REELD1: variants seen among roughly 807,000 people sequenced by gnomAD.
REELD1 encodes the protein reelin domain-containing protein 1.
REELD1 carries 12 observed loss-of-function variants against 6.3 expected under a neutral mutation model. That is an observed-to-expected ratio of 1.89 (90% CI 1.21 to 3.07). The LOEUF (loss-of-function observed/expected upper bound fraction) is 3.07. REELD1 is among the 30% of genes most tolerant of loss of function. The pLI, the probability that REELD1 is intolerant of heterozygous loss-of-function variation, is 0.00. For synonymous variants in REELD1, 57 were observed against 33.6 expected, an observed-to-expected ratio of 1.70 and a Z score of -2.42; for missense variants, 163 against 86.8, an observed-to-expected ratio of 1.88 and a Z score of -3.49.
At chr4:146,225,759 T>C (rs1383483694) in intron 5 of REELD1, among the ~76,000 whole-genome samples, 12 of 152,208 alleles carry the variant, frequency 7.9e-5, no homozygotes, top group Non-Finnish European at 1.3e-4. Context: ...AGAAGTGTCA[T>C]GTGGAGCCTT....
intron 4 of REELD1, among the ~76,000 whole-genome samples, chr4:146,222,827 C>T (rs1277939551): frequency 1.3e-5 from 2 of 152,192 alleles, no homozygotes; most frequent in Non-Finnish European, 2.9e-5. Flanking sequence ...CCTGCCTCCC[C>T]AGGCACAGGT....
At position 146,231,110 on chromosome 4, in the gene REELD1, T is replaced by C. The variant is rs542274377; in HGVS notation, c.*597T>C. On this transcript the variant is annotated 3_prime_UTR_variant, in exon 8 of 8. Transcript: ENST00000623665. The stretch of plus-strand genomic sequence containing the variant: ...CAGCCTGGCAAATCCGCCATGGAAA[T>C]TGATCCAAAGTCAGGAAAGTTTTTG... Among the ~76,000 whole-genome samples, 135 of 152,334 alleles carry C rather than the reference T, an allele frequency of 8.9e-4. No individual in the cohort carries two copies. Among genetic ancestry groups the C allele is most frequent in the Middle Eastern group, 3.4e-3 (1 of 294 alleles).
intron 2 of REELD1, 135 bp downstream of exon 2, chr4:146,215,333 C>T (rs751640858): frequency 1.3e-5 from 2 of 152,212 alleles, no homozygotes; most frequent in Non-Finnish European, 2.9e-5. Flanking sequence ...CCTAATGTGT[C>T]TGAGAAGCTG....
Position 146,228,531 on chromosome 4 carries a change from G to T in REELD1, c.908+9G>T. 1 of 698,702 alleles carries T rather than the reference G, an allele frequency of 1.4e-6. No individual in the cohort carries two copies. Among genetic ancestry groups the T allele is most frequent in the Middle Eastern group, 2.5e-4 (1 of 4,026 alleles). 43.3% of individuals were successfully genotyped at this position (698,702 alleles called of 1,614,324 possible). On this transcript the variant is annotated intron_variant, in intron 6 of 7. Transcript: ENST00000623665. ...CTTAGCACCCATCACAGGTAAGGGT[G>T]ATGGGTGGGCCATTCAGGACAGGTG...
chr4:146,217,306 C>T (rs918767962), intron 3 of REELD1, 146 bp downstream of exon 3: 5 of 395,682 alleles, frequency 1.3e-5, no homozygotes, highest in Non-Finnish European at 1.3e-5. Flanking sequence ...TGGAGTCTCA[C>T]TGTGTTGCCC....
intron 1 of REELD1, 41 bp downstream of exon 1, chr4:146,214,735 G>A (rs1730795159): frequency 6.6e-6 from 1 of 152,242 alleles, no homozygotes; most frequent in Admixed American, 6.5e-5. Context: ...GTAGAGACAA[G>A]GTCTCCCTGT....
At chr4:146,215,752 CTTTT>C (rs3029291) in intron 2 of REELD1, among the ~76,000 whole-genome samples, 32,344 of 122,632 alleles carry the variant, frequency 0.26, 4,149 homozygotes, top group Middle Eastern at 0.42. Flanking sequence ...AAAAACAGAA[CTTTT>C]TTTTTTTTTT....
Position 146,228,398 on chromosome 4 carries a change from C to A in REELD1, c.784C>A (p.Gln262Lys), listed in dbSNP as rs914537798. The A allele has an allele frequency of 2.8e-6, 2 of 702,484 alleles. No homozygotes were observed. The highest frequency in any genetic ancestry group is 5.2e-6 in the Non-Finnish European group (2 of 385,014). The allele number at this position is 702,484 out of a possible 1,614,324, so 43.5% of individuals were successfully genotyped here. The change falls in exon 6 of 8, where the codon CAA (glutamine) becomes AAA (lysine). Residue 262 changes from glutamine to lysine, a missense_variant. Gln to Lys is a moderately conservative substitution (Grantham distance 53). Coordinates refer to ENST00000623665, the MANE Select transcript of REELD1 (RefSeq NM_001354631.1). ...AGCCACTGAAGGCAGCATCAACCAG[C>A]AACCCAGCGGGGACAGCAATCCCAC... The part of the protein sequence containing the change: ...HTATEGSINQ[Q>K]PSGDSNPTLE...
chr4:146,215,961 GGCTGGTCTTGAACTCCTGTGCTCAC>G (rs1459895075), intron 2 of REELD1, among the ~76,000 whole-genome samples: 2 of 152,144 alleles, frequency 1.3e-5, no homozygotes, highest in African/African-American at 4.8e-5. Context: ...GTATTGCCCA[GGCTGGTCTTGAACTCCTGTGCTCAC>G]GCAATCCACC....
At chr4:146,229,137 A>G in intron 7 of REELD1, 49 bp downstream of exon 7, 1 of 699,014 alleles carries the variant, frequency 1.4e-6, no homozygotes, top group Non-Finnish European at 2.6e-6. Context: ...TTTTGATCCT[A>G]GAATGGTCAG....
intron 3 of REELD1, among the ~76,000 whole-genome samples, chr4:146,220,225 G>A (rs191595230): frequency 8.1e-4 from 123 of 152,368 alleles, no homozygotes; most frequent in African/African-American, 2.8e-3. Context: ...TGGGGTTACA[G>A]GCGTGAGCCA....
At chr4:146,217,745 C>A (rs1190819674) in intron 3 of REELD1, among the ~76,000 whole-genome samples, 1 of 152,036 alleles carries the variant, frequency 6.6e-6, no homozygotes, top group African/African-American at 2.4e-5. Flanking sequence ...TCTGAACAAC[C>A]TTCATGTATC....
chr4:146,225,302 A>T lies in REELD1; in HGVS notation c.595+694A>T, dbSNP rs142842534. Among the ~76,000 whole-genome samples, 496 of 152,330 alleles carry T rather than the reference A, an allele frequency of 3.3e-3. 5 individuals are homozygous for T. The highest frequency in any genetic ancestry group is 0.011 in the African/African-American group (444 of 41,572). ...TGTTGTTTATTTCTAGTTAAGTGCT[A>T]TGAACACAAGCACTCGTAAAAGCAT... On this transcript the variant is annotated intron_variant, in intron 5 of 7. Transcript: ENST00000623665.
At chr4:146,227,043 G>C (rs1230803921) in intron 5 of REELD1, among the ~76,000 whole-genome samples, 3 of 152,250 alleles carry the variant, frequency 2.0e-5, no homozygotes, top group Non-Finnish European at 4.4e-5. Context: ...AAAGTGCTGG[G>C]ATTACAGGCG....
chr4:146,230,180 C>A lies in REELD1; in HGVS notation c.1248C>A (p.Tyr416Ter), dbSNP rs1163346465. The change falls in exon 8 of 8, where the codon TAC (tyrosine) becomes TAA (stop). Residue 416 changes from tyrosine (Y) to a stop codon, truncating the protein, a stop_gained. Transcript: ENST00000623665. LOFTEE classifies it low-confidence loss of function (END_TRUNC). ...GAAATGGAGAGGGTGGAGTGGGATA[C>A]CCTCGGCAGACCAACCCACGGCCTG... ...GKGNGEGGVG[Y>*]PRQTNPRPDI... 2.5e-6 allele frequency: 1 copy of A among 398,800 alleles called. No individual in the cohort carries two copies. The allele number at this position is 398,800 out of a possible 1,614,324, so 24.7% of individuals were successfully genotyped here. A position where few individuals can be genotyped will look rare whatever the true frequency, so the allele number is the denominator to read the frequency against.
intron 3 of REELD1, among the ~76,000 whole-genome samples, chr4:146,221,938 A>T (rs1730930791): frequency 1.3e-5 from 2 of 152,130 alleles, no homozygotes; most frequent in Admixed American, 1.3e-4. Context: ...CTTTTTATGA[A>T]TTCACCATGA....
intron 3 of REELD1, among the ~76,000 whole-genome samples, chr4:146,221,748 A>T (rs1161635149): frequency 1.3e-5 from 2 of 151,996 alleles, no homozygotes; most frequent in African/African-American, 4.8e-5. Context: ...ACTCCCAGCT[A>T]CTCGAGAGGC....
In REELD1 at chr4:146,224,557, C is replaced by G; in HGVS notation, c.544C>G (p.Leu182Val). ...HSDDRMEPRL[L>V]MPNLHQRLGD... ...TGACGACCGCATGGAGCCCAGATTG[C>G]TGATGCCAAACCTTCACCAGAGGCT... Residue 182 changes from leucine (L) to valine (V), a missense_variant, in exon 5 of 8, where the codon CTG becomes GTG. Coordinates refer to ENST00000623665, the MANE Select transcript of REELD1 (RefSeq NM_001354631.1). 1.4e-6 allele frequency: 1 copy of G among 702,222 alleles called. No individual in the cohort carries two copies. The highest frequency in any genetic ancestry group is 2.6e-6 in the Non-Finnish European group (1 of 384,952). 43.5% of individuals were successfully genotyped at this position (702,222 alleles called of 1,614,324 possible).
intron 2 of REELD1, among the ~76,000 whole-genome samples, chr4:146,216,015 T>A (rs1730820149): frequency 6.6e-6 from 1 of 152,166 alleles, no homozygotes. Context: ...CCTCCCAAAG[T>A]GCTAGGATTA....
Sources: allele counts gnomAD v4.1 joint callset (sites outside exome capture counted in the v4.1 genomes callset), GRCh38; gene constraint gnomAD v4.1.1; transcripts MANE v1.5; gene names NCBI Gene and HGNC (gene_info 2026-07-23, HGNC 2026-07-21).